The following PPP3CA variants were observed in gnomAD, a reference collection of about 807,000 sequenced individuals.
PPP3CA encodes CAM-PRP catalytic subunit.
PPP3CA carries 14 observed loss-of-function variants against 66.5 expected under a neutral mutation model. That is an observed-to-expected ratio of 0.21 (90% CI 0.14 to 0.33). PPP3CA has a LOEUF of 0.33. Ranked by LOEUF, PPP3CA falls within the 10% of genes least tolerant of loss-of-function variation. The pLI is 1.00. For synonymous variants in PPP3CA, 232 were observed against 226.2 expected, an observed-to-expected ratio of 1.03 and a Z score of -0.23; for missense variants, 317 against 639.5, an observed-to-expected ratio of 0.50 and a Z score of 5.44.
At chr4:101,066,623 A>G (rs1728692457) in intron 8 of PPP3CA, among the ~76,000 whole-genome samples, 1 of 152,122 alleles carries the variant, frequency 6.6e-6, no homozygotes, top group Non-Finnish European at 1.5e-5. Flanking sequence ...ATAACCTTAC[A>G]TTAGTAAGTT....
chr4:101,058,108 C>G (rs1024314812), intron 10 of PPP3CA, among the ~76,000 whole-genome samples: 4 of 152,062 alleles, frequency 2.6e-5, no homozygotes, highest in Non-Finnish European at 5.9e-5. Flanking sequence ...GTCCATGAGA[C>G]AGGAAACCAA....
chr4:101,261,744 T>C (rs1291541005), intron 1 of PPP3CA, among the ~76,000 whole-genome samples: 2 of 152,090 alleles, frequency 1.3e-5, no homozygotes, highest in East Asian at 1.9e-4. Flanking sequence ...CTGTGAGCTC[T>C]GCAAATTCCC....
At chr4:101,048,819 C>A (rs924280821) in intron 10 of PPP3CA, among the ~76,000 whole-genome samples, 3 of 151,968 alleles carry the variant, frequency 2.0e-5, no homozygotes, top group African/African-American at 7.3e-5. Context: ...ATATTAAGAG[C>A]CTGCAATGAA....
chr4:101,049,531 A>G (rs1727919502), intron 10 of PPP3CA, among the ~76,000 whole-genome samples: 1 of 152,130 alleles, frequency 6.6e-6, no homozygotes, highest in Non-Finnish European at 1.5e-5. Context: ...AAAGGGAAGC[A>G]GTCATAATGC....
intron 2 of PPP3CA, among the ~76,000 whole-genome samples, chr4:101,179,788 A>T (rs1355914998): frequency 6.6e-6 from 1 of 152,174 alleles, no homozygotes; most frequent in Non-Finnish European, 1.5e-5. Context: ...CTATTCTTCC[A>T]TGTCTAGAAG....
At chr4:101,290,010 A>T (rs1253184652) in intron 1 of PPP3CA, among the ~76,000 whole-genome samples, 3 of 152,054 alleles carry the variant, frequency 2.0e-5, no homozygotes, top group Non-Finnish European at 2.9e-5. Context: ...CTAGCCTGAC[A>T]TCAGAAATGT....
intron 1 of PPP3CA, among the ~76,000 whole-genome samples, chr4:101,295,958 C>A (rs1343729896): frequency 6.6e-6 from 1 of 152,122 alleles, no homozygotes; most frequent in Non-Finnish European, 1.5e-5. Flanking sequence ...ACTGTAAGAC[C>A]TCAAGAATGT....
At chr4:101,141,588 C>CT in intron 2 of PPP3CA, among the ~76,000 whole-genome samples, 1 of 152,252 alleles carries the variant, frequency 6.6e-6, no homozygotes, top group Admixed American at 6.5e-5. Flanking sequence ...CTGCTCTCCT[C>CT]TTTATTTATT....
At chr4:101,099,276 T>C (rs961977056) in intron 4 of PPP3CA, among the ~76,000 whole-genome samples, 6 of 152,118 alleles carry the variant, frequency 3.9e-5, no homozygotes, top group Non-Finnish European at 8.8e-5. Context: ...AGGGTTGAAT[T>C]TGCCCTCCAT....
intron 1 of PPP3CA, among the ~76,000 whole-genome samples, chr4:101,302,671 A>G (rs976429427): frequency 7.2e-5 from 11 of 152,236 alleles, no homozygotes; most frequent in African/African-American, 2.7e-4. Context: ...CTGGGACTAC[A>G]GCACATTTTT....
chr4:101,049,130 C>A (rs1727900568), intron 10 of PPP3CA, among the ~76,000 whole-genome samples: 1 of 152,118 alleles, frequency 6.6e-6, no homozygotes, highest in Non-Finnish European at 1.5e-5. Flanking sequence ...AATTATAAGT[C>A]ACTTTCACTT....
At chr4:101,325,851 T>C (rs1729189648) in intron 1 of PPP3CA, among the ~76,000 whole-genome samples, 1 of 152,166 alleles carries the variant, frequency 6.6e-6, no homozygotes, top group South Asian at 2.1e-4. Context: ...GGATCGGCTT[T>C]AAAATACTTT....
chr4:101,248,739 C>T lies in PPP3CA; in HGVS notation c.59-52623G>A, dbSNP rs960625865. Among the ~76,000 whole-genome samples the T allele has an allele frequency of 2.0e-5, 3 of 152,292 alleles. No individual in the cohort carries two copies. The East Asian group carries it at 5.8e-4, about 29-fold the overall frequency. On this transcript the variant is annotated intron_variant, in intron 1 of 13. Transcript: ENST00000394854. ...GATGCCTACACACTGATTAAAGTAT[C>T]AGACTTGTAATTAATGAAATTCAAT...
chr4:101,109,763 A>T (rs1287939515), intron 2 of PPP3CA, among the ~76,000 whole-genome samples: 5 of 152,126 alleles, frequency 3.3e-5, no homozygotes, highest in Non-Finnish European at 5.9e-5. Flanking sequence ...GACACATAAT[A>T]CAAAAAAAAT....
chr4:101,073,636 T>C (rs1351923340), intron 8 of PPP3CA, among the ~76,000 whole-genome samples: 2 of 152,160 alleles, frequency 1.3e-5, no homozygotes, highest in East Asian at 3.9e-4. Context: ...TTCATATAAA[T>C]TATTGTATTT....
At chr4:101,259,666 T>C (rs142576833) in intron 1 of PPP3CA, among the ~76,000 whole-genome samples, 1 of 152,324 alleles carries the variant, frequency 6.6e-6, no homozygotes, top group Admixed American at 6.5e-5. Flanking sequence ...GAAATCATTA[T>C]GTTCAGGAAA....
intron 2 of PPP3CA, among the ~76,000 whole-genome samples, chr4:101,125,364 TA>T (rs1200848316): frequency 2.6e-5 from 4 of 152,198 alleles, no homozygotes; most frequent in African/African-American, 7.2e-5. Context: ...AAGTATCTTC[TA>T]AATCACATCC....
At position 101,293,979 on chromosome 4, in the gene PPP3CA, C is replaced by T. The variant is rs192996328; in HGVS notation, c.58+52760G>A. Among the ~76,000 whole-genome samples the T allele has an allele frequency of 1.2e-3, 181 of 152,112 alleles. 4 individuals are homozygous for T. The highest frequency in any genetic ancestry group is 0.011 in the Admixed American group (169 of 15,294). On this transcript the variant is annotated intron_variant, in intron 1 of 13. Transcript: ENST00000394854. ...CATTATGTAAGGAGAATGAATGTACCGAGATAGGAAAACCAATATTTTCAC... is the reference window on the plus strand; with the variant it reads ...CATTATGTAAGGAGAATGAATGTACTGAGATAGGAAAACCAATATTTTCAC...
At chr4:101,285,408 G>A (rs1727808151) in intron 1 of PPP3CA, among the ~76,000 whole-genome samples, 1 of 149,886 alleles carries the variant, frequency 6.7e-6, no homozygotes. Flanking sequence ...TAAATAAATG[G>A]AATACAAGAT....
Sources: allele counts gnomAD v4.1 joint callset (sites outside exome capture counted in the v4.1 genomes callset), GRCh38; gene constraint gnomAD v4.1.1; transcripts MANE v1.5; gene names NCBI Gene and HGNC (gene_info 2026-07-23, HGNC 2026-07-21).